The following EXT2 variants were observed in gnomAD, a reference collection of about 807,000 sequenced individuals.
EXT2 encodes the protein exostosin glycosyltransferase 2, also known as exostosin-2.
In EXT2, 53 loss-of-function variants were observed where a neutral mutation model predicts 81.6. The observed-to-expected ratio is 0.65, with a 90% CI of 0.52 to 0.82. The LOEUF (loss-of-function observed/expected upper bound fraction) is 0.82, where lower values mean the gene tolerates loss of function less well. EXT2 is among the 40% of genes least tolerant of loss of function. The probability of loss-of-function intolerance (pLI) is 0.00; values close to 1 mark genes in which losing one functional copy is unlikely to be tolerated. For missense variants in EXT2, 774 were observed against 910.2 expected (o/e 0.85, Z 1.93); for synonymous variants, 320 against 340.0 (o/e 0.94, Z 0.65).
chr11:44,122,391 A>G (rs551240943), intron 4 of EXT2, among the ~76,000 whole-genome samples: 5 of 152,226 alleles, frequency 3.3e-5, no homozygotes, highest in African/African-American at 1.2e-4. Context: ...GGTACGTTTG[A>G]TTATAGAAGT....
Position 44,197,929 on chromosome 11 carries a change from T to C in EXT2, c.1406T>C (p.Leu469Pro). ...CTCACCTACGACCGAGTAGAGAGCC[T>C]CTTCCGGGTCATCACTGAAGTGTCC... Reference protein sequence around the residue: ...IVLTYDRVESLFRVITEVSKV... With the variant: ...IVLTYDRVESPFRVITEVSKV... Residue 469 changes from leucine to proline, a missense_variant, in exon 9 of 14, where the codon CTC (leucine) becomes CCC (proline). By Grantham distance (98) the Leu-to-Pro change is moderately conservative. Around this residue, in one of 2 missense-constraint regions of EXT2, gnomAD observed 626 missense variants for 670.5 expected, o/e 0.93. Transcript: ENST00000533608. 1 of 1,614,094 alleles carries C rather than the reference T, an allele frequency of 6.2e-7. No homozygotes were observed. Among genetic ancestry groups the C allele is most frequent in the Non-Finnish European group, 8.5e-7 (1 of 1,179,986 alleles).
chr11:44,128,813 G>A (rs913310030), intron 6 of EXT2, among the ~76,000 whole-genome samples: 1 of 152,164 alleles, frequency 6.6e-6, no homozygotes, highest in Non-Finnish European at 1.5e-5. Context: ...TTGAGTCTCA[G>A]TTCTCCCATC....
Position 44,237,902 on chromosome 11 carries a change from TAAAAAAAA to T in EXT2, c.2018+1548_2018+1555del, listed in dbSNP as rs374084527. On this transcript the variant is annotated intron_variant, in intron 13 of 13. Coordinates refer to ENST00000533608, the MANE Select transcript of EXT2 (RefSeq NM_207122.2). ...AACATGGTGAAACCCCGTCTCTACT[TAAAAAAAA>T]AAAAAAAAAAAAAAAAAAAACATAC... Among the ~76,000 whole-genome samples the T allele has an allele frequency of 4.4e-3, 246 of 56,386 alleles. 3 individuals are homozygous for T. Among genetic ancestry groups the T allele is most frequent in the African/African-American group, 0.017 (228 of 13,808 alleles). The allele number at this position is 56,386 out of a possible 152,430, so 37.0% of individuals were successfully genotyped here.
At chr11:44,191,450 C>T (rs1955390719) in intron 8 of EXT2, among the ~76,000 whole-genome samples, 2 of 152,252 alleles carry the variant, frequency 1.3e-5, no homozygotes, top group Admixed American at 1.3e-4. Context: ...TTTGCCTCTT[C>T]TCCAGCTCTG....
rs11037864 is a variant in EXT2 at position 44,107,536 on chromosome 11, A to T, written c.-30-147A>T. 0.27 allele frequency: 197,024 copies of T among 730,360 alleles called. 28,260 individuals carry two copies. The highest frequency in any genetic ancestry group is 0.32 in the East Asian group (11,900 of 36,776). The allele number at this position is 730,360 out of a possible 1,614,324, so 45.2% of individuals were successfully genotyped here. ...GAGGTGAAGGTTGCAGTGAGCTGAG[A>T]TTGCACCACTGCACTCCAGCCTGAG... On this transcript the variant is annotated intron_variant, in intron 1 of 13. Coordinates refer to ENST00000533608, the MANE Select transcript of EXT2 (RefSeq NM_207122.2).
intron 7 of EXT2, among the ~76,000 whole-genome samples, chr11:44,142,570 GTCTA>G (rs1245969209): frequency 6.6e-6 from 1 of 152,192 alleles, no homozygotes; most frequent in African/African-American, 2.4e-5. Flanking sequence ...AATGTTTGAA[GTCTA>G]TCTATACTGA....
intron 7 of EXT2, among the ~76,000 whole-genome samples, chr11:44,138,227 G>A (rs929310091): frequency 2.6e-5 from 4 of 152,090 alleles, no homozygotes; most frequent in African/African-American, 7.2e-5. Flanking sequence ...ACTAACAAGC[G>A]GAAGGTAATG....
At chr11:44,127,317 C>T (rs111379080) in intron 6 of EXT2, among the ~76,000 whole-genome samples, 7 of 152,236 alleles carry the variant, frequency 4.6e-5, no homozygotes, top group African/African-American at 1.2e-4. Flanking sequence ...CCCCAACTCC[C>T]GGGCTGTGGC....
intron 9 of EXT2, among the ~76,000 whole-genome samples, chr11:44,200,972 G>A (rs1025683315): frequency 3.3e-5 from 5 of 152,168 alleles, no homozygotes; most frequent in Admixed American, 1.3e-4. Context: ...TCTCCTTTGA[G>A]CTGGACTAAA....
At chr11:44,170,664 A>T (rs1955058026) in intron 7 of EXT2, among the ~76,000 whole-genome samples, 1 of 152,252 alleles carries the variant, frequency 6.6e-6, no homozygotes. Flanking sequence ...GTGAATGCAC[A>T]GCTTTATTTC....
chr11:44,181,665 C>A (rs1180135586), intron 8 of EXT2, among the ~76,000 whole-genome samples: 6 of 152,072 alleles, frequency 3.9e-5, no homozygotes, highest in Non-Finnish European at 8.8e-5. Context: ...TCTAGTTAAT[C>A]TTATAACTTC....
intron 8 of EXT2, among the ~76,000 whole-genome samples, chr11:44,182,916 C>A (rs1163235365): frequency 6.6e-6 from 1 of 152,122 alleles, no homozygotes; most frequent in Non-Finnish European, 1.5e-5. Flanking sequence ...AAGTCTAGAA[C>A]AATTTCTCAG....
chr11:44,228,405 T>C (rs977110952), intron 10 of EXT2, among the ~76,000 whole-genome samples: 1 of 151,888 alleles, frequency 6.6e-6, no homozygotes, highest in African/African-American at 2.4e-5. Context: ...AGAGTAGGGG[T>C]GGGTAGCCAT....
At chr11:44,158,611 AT>A (rs1217938312) in intron 7 of EXT2, among the ~76,000 whole-genome samples, 1 of 150,786 alleles carries the variant, frequency 6.6e-6, no homozygotes, top group African/African-American at 2.4e-5. Flanking sequence ...TAATAAATTG[AT>A]TTTAATAATA....
At position 44,139,352 on chromosome 11, in the gene EXT2, C is replaced by T. The variant is rs188464576; in HGVS notation, c.1173+9214C>T. Among the ~76,000 whole-genome samples the T allele has an allele frequency of 1.8e-4, 27 of 151,640 alleles. No individual in the cohort carries two copies. In the East Asian group the frequency reaches 4.8e-3, roughly 27 times the overall value. Reference sequence around the variant, plus strand: ...TTATCCATTTTTTTAATTAAAAAAACTTGTAGAGGAAAGTTAGAATCAGAA... The same window carrying T: ...TTATCCATTTTTTTAATTAAAAAAATTTGTAGAGGAAAGTTAGAATCAGAA... On this transcript the variant is annotated intron_variant, in intron 7 of 13. Transcript: ENST00000533608.
At chr11:44,162,870 GA>G (rs1217846688) in intron 7 of EXT2, among the ~76,000 whole-genome samples, 1 of 151,856 alleles carries the variant, frequency 6.6e-6, no homozygotes, top group Non-Finnish European at 1.5e-5. Flanking sequence ...ATAAGGAAGT[GA>G]AAAAAAGCCG....
intron 7 of EXT2, among the ~76,000 whole-genome samples, chr11:44,156,808 A>C (rs950639742): frequency 6.6e-6 from 1 of 152,112 alleles, no homozygotes; most frequent in Non-Finnish European, 1.5e-5. Context: ...GGCATTGAAG[A>C]GTTAGGTATT....
At position 44,250,368 on chromosome 11, in the gene EXT2, A is replaced by C. The variant is rs1438709470; in HGVS notation, c.*6081A>C. Among the ~76,000 whole-genome samples the C allele has an allele frequency of 6.6e-6, 1 of 152,236 alleles. No individual in the cohort carries two copies. Among genetic ancestry groups the C allele is most frequent in the African/African-American group, 2.4e-5 (1 of 41,466 alleles). On this transcript the variant is annotated 3_prime_UTR_variant, in exon 14 of 14. Transcript: ENST00000533608. The stretch of plus-strand genomic sequence containing the variant: ...CCCTTGACCATGCCTTAGTTTCCTC[A>C]GCCAGAAATTGGAGACAGCAAGAGC...
At chr11:44,189,093 G>A (rs562192512) in intron 8 of EXT2, among the ~76,000 whole-genome samples, 5 of 152,310 alleles carry the variant, frequency 3.3e-5, no homozygotes, top group South Asian at 4.1e-4. Flanking sequence ...TTGTGACCCT[G>A]AGTTAGTCTC....
Sources: allele counts gnomAD v4.1 joint callset (sites outside exome capture counted in the v4.1 genomes callset), GRCh38; gene constraint gnomAD v4.1.1; regional missense constraint gnomAD v4.1.1; transcripts MANE v1.5; gene names NCBI Gene and HGNC (gene_info 2026-07-23, HGNC 2026-07-21).